MFHAS1: variants seen among roughly 807,000 people sequenced by gnomAD.
MFHAS1 encodes the protein multifunctional ROCO family signaling regulator 1.
MFHAS1 carries 50 observed loss-of-function variants against 70.4 expected under a neutral mutation model. The ratio of observed to expected loss-of-function variants is 0.71; its 90% CI spans 0.57 to 0.90. The LOEUF is 0.90. MFHAS1 is among the 40% of genes least tolerant of loss of function. The pLI is 0.00. For synonymous variants in MFHAS1, 952 were observed against 620.0 expected (o/e 1.54, Z -7.96); for missense variants, 1,795 against 1,347.6 (o/e 1.33, Z -5.20).
chr8:8,851,019 A>C (rs757234739), intron 1 of MFHAS1, among the ~76,000 whole-genome samples: 1 of 152,078 alleles, frequency 6.6e-6, no homozygotes, highest in Non-Finnish European at 1.5e-5. Flanking sequence ...GTTCCTCCTT[A>C]GTGAATCTCC....
chr8:8,843,445 G>T (rs2116857954), intron 1 of MFHAS1, among the ~76,000 whole-genome samples: 1 of 152,274 alleles, frequency 6.6e-6, no homozygotes, highest in Non-Finnish European at 1.5e-5. Context: ...CTCAGATACG[G>T]TGTTGTGCAC....
rs1809969406 is a variant in MFHAS1 at position 8,890,699 on chromosome 8, T to A, written c.2360A>T (p.Gln787Leu). Residue 787 changes from glutamine to leucine, a missense_variant, in exon 1 of 3, where the codon CAG becomes CTG. Physicochemically the swap from Gln to Leu is moderately radical, Grantham distance 113 (BLOSUM62 -2). Transcript: ENST00000276282. Reference sequence around the variant, plus strand: ...ATGCAACAGAAAGCCCTCCACATACTGATGGAGCTGGGTGGCCCGGAGCAG... The same window carrying A: ...ATGCAACAGAAAGCCCTCCACATACAGATGGAGCTGGGTGGCCCGGAGCAG... The part of the protein sequence containing the change: ...QELLRATQLH[Q>L]YVEGFLLHGL... 6.2e-6 allele frequency: 10 copies of A among 1,613,616 alleles called. No homozygotes were observed. Among genetic ancestry groups the A allele is most frequent in the South Asian group, 2.2e-5 (2 of 91,040 alleles).
chr8:8,795,301 T>C (rs779945183), intron 2 of MFHAS1, among the ~76,000 whole-genome samples: 4 of 152,158 alleles, frequency 2.6e-5, no homozygotes, highest in Non-Finnish European at 5.9e-5. Context: ...ATGTACAATT[T>C]CAAAGAAATT....
intron 1 of MFHAS1, among the ~76,000 whole-genome samples, chr8:8,838,307 G>A (rs1035905451): frequency 6.6e-6 from 1 of 151,986 alleles, no homozygotes; most frequent in Non-Finnish European, 1.5e-5. Context: ...TGAGGGGAAG[G>A]GTCTATATTC....
At chr8:8,805,829 C>T (rs949430252) in intron 1 of MFHAS1, among the ~76,000 whole-genome samples, 2 of 152,150 alleles carry the variant, frequency 1.3e-5, no homozygotes, top group African/African-American at 4.8e-5. Flanking sequence ...TCCCAAATAG[C>T]TGGGATTACA....
intron 1 of MFHAS1, among the ~76,000 whole-genome samples, chr8:8,835,135 G>A (rs1298964423): frequency 2.6e-5 from 4 of 152,134 alleles, no homozygotes; most frequent in East Asian, 3.8e-4. Context: ...GCAGATGAGT[G>A]GTTGTTCGAG....
chr8:8,892,661 G>A lies in MFHAS1; in HGVS notation c.398C>T (p.Ala133Val), dbSNP rs750627181. 3.1e-6 allele frequency: 5 copies of A among 1,588,854 alleles called. No homozygotes were observed. Among genetic ancestry groups the A allele is most frequent in the Admixed American group, 1.8e-5 (1 of 56,286 alleles). The change falls in exon 1 of 3, where the codon GCT becomes GTT. Residue 133 changes from alanine to valine, a missense_variant. Ala to Val is a moderately conservative substitution (Grantham distance 64). Coordinates refer to ENST00000276282, the MANE Select transcript of MFHAS1 (RefSeq NM_004225.3). This position sits in a 1 kb window ranked among gnomAD's most constrained non-coding sequence, Gnocchi z 4.7. ...GTTGAGCTTCCGCAGCTCCCTCAGA[G>A]CACTCACCACCTCCGCGCCCAGGGC... ...LTALGAEVVSALRELRKLNLS... is the reference protein window; with the variant it reads ...LTALGAEVVSVLRELRKLNLS...
At chr8:8,838,213 T>C (rs949302808) in intron 1 of MFHAS1, among the ~76,000 whole-genome samples, 9 of 152,134 alleles carry the variant, frequency 5.9e-5, no homozygotes, top group East Asian at 1.9e-4. Context: ...ATCTAATCTA[T>C]AGTGACAAAA....
chr8:8,844,514 C>T (rs1361534506), intron 1 of MFHAS1, among the ~76,000 whole-genome samples: 1 of 152,206 alleles, frequency 6.6e-6, no homozygotes, highest in Non-Finnish European at 1.5e-5. Context: ...AGCTTCTTAT[C>T]TGAAAAGATC....
chr8:8,891,226 T>C lies in MFHAS1; in HGVS notation c.1833A>G (p.Gln611=), dbSNP rs148465761. Residue 611 remains glutamine, a synonymous_variant, in exon 1 of 3, where the codon CAA becomes CAG. Transcript: ENST00000276282. This position sits in a 1 kb window ranked among gnomAD's most constrained non-coding sequence, Gnocchi z 5.4. ...TCTGCAGCCGGTGGTTGAGCAGGTA[T>C]TGAAAATGGGCCTTGCGCCGTCGAA... ...KNLRRRKAHF[Q]YLLNHRLQIL... is the part of the protein sequence containing the mutation. The C allele has an allele frequency of 9.9e-6, 16 of 1,612,388 alleles. No homozygotes were observed. The African/African-American group carries it at 1.6e-4, about 16-fold the overall frequency.
chr8:8,861,273 C>T (rs1336417944), intron 1 of MFHAS1, among the ~76,000 whole-genome samples: 1 of 152,160 alleles, frequency 6.6e-6, no homozygotes, highest in African/African-American at 2.4e-5. Context: ...CCAAGTCTTT[C>T]CAATGAATTA....
chr8:8,887,456 A>G (rs966215970), intron 1 of MFHAS1, among the ~76,000 whole-genome samples: 3 of 151,714 alleles, frequency 2.0e-5, no homozygotes, highest in Admixed American at 2.0e-4. Context: ...CTACTATTCT[A>G]TACCCTCTGC....
rs117832565 is a variant in MFHAS1, at chr8:8,870,335, C to T, written c.2998+19726G>A. Among the ~76,000 whole-genome samples the T allele has an allele frequency of 8.8e-3, 1,332 of 151,164 alleles. 62 individuals are homozygous for T. The highest frequency in any genetic ancestry group is 0.058 in the East Asian group (299 of 5,144). On this transcript the variant is annotated intron_variant, in intron 1 of 2. Coordinates refer to ENST00000276282, the MANE Select transcript of MFHAS1 (RefSeq NM_004225.3). The stretch of plus-strand genomic sequence containing the variant: ...AAAAAATTAGCCAGACATGGTGGCA[C>T]GCACCTACAGTCTCAGCTAACTCGG...
In MFHAS1 at chr8:8,787,282, A is replaced by T. The variant is rs143172411; in HGVS notation, c.3126-1227T>A. 3.4e-4 allele frequency among the ~76,000 whole-genome samples: 52 copies of T among 152,208 alleles called. 1 individual carries two copies. The East Asian group carries it at 3.7e-3, about 11-fold the overall frequency. On this transcript the variant is annotated intron_variant, in intron 2 of 2. Coordinates refer to ENST00000276282, the MANE Select transcript of MFHAS1 (RefSeq NM_004225.3). ...TTTTTAGTAGAGATGGGGTTTCACC[A>T]TGTTAGCCAGGATGATCTTGATCTC...
At chr8:8,790,316 A>T in intron 2 of MFHAS1, 1 of 941,512 alleles carries the variant, frequency 1.1e-6, no homozygotes, top group Non-Finnish European at 1.3e-6. Flanking sequence ...TGTTTCACGG[A>T]GACTTACCCT....
chr8:8,813,392 CG>C (rs1175111393), intron 1 of MFHAS1, among the ~76,000 whole-genome samples: 1 of 152,226 alleles, frequency 6.6e-6, no homozygotes, highest in East Asian at 1.9e-4. Flanking sequence ...GCAGGCCCTT[CG>C]GGAGGTGTTC....
chr8:8,796,479 C>A (rs1049038124), intron 2 of MFHAS1, among the ~76,000 whole-genome samples: 2 of 151,492 alleles, frequency 1.3e-5, no homozygotes, highest in East Asian at 3.9e-4. Flanking sequence ...GTCAGGAGAT[C>A]GAGATCATCC....
chr8:8,851,911 A>C (rs1022988313), intron 1 of MFHAS1, among the ~76,000 whole-genome samples: 1 of 152,162 alleles, frequency 6.6e-6, no homozygotes, highest in African/African-American at 2.4e-5. Flanking sequence ...ACAGAGAAAA[A>C]ATGTTTTCCC....
At chr8:8,831,180 C>G (rs1807372941) in intron 1 of MFHAS1, among the ~76,000 whole-genome samples, 1 of 151,660 alleles carries the variant, frequency 6.6e-6, no homozygotes, top group Non-Finnish European at 1.5e-5. Flanking sequence ...GGACACTAAC[C>G]CCACTGAATC....
Sources: gnomAD v4.1 joint callset for allele counts (sites outside exome capture counted in the v4.1 genomes callset) on GRCh38, gnomAD v4.1.1 for gene constraint, Gnocchi (gnomAD v3.1) non-coding constraint, MANE v1.5 for transcripts, NCBI Gene and HGNC (gene_info 2026-07-23, HGNC 2026-07-21) for gene names.